The following BABAM2 variants were observed in gnomAD, a reference collection of about 807,000 sequenced individuals.
BABAM2 encodes BRISC and BRCA1-A complex member 2.
Under a neutral mutation model 54.7 loss-of-function variants are expected in BABAM2, and 31 were observed. That is an observed-to-expected ratio of 0.57 (90% CI 0.43 to 0.77). The LOEUF (loss-of-function observed/expected upper bound fraction) is 0.77. Among genes scored for constraint, BABAM2 ranks in the 30% least tolerant of loss-of-function variants. The pLI, the probability that BABAM2 is intolerant of heterozygous loss-of-function variation, is 0.00. For synonymous variants in BABAM2, 167 were observed against 162.9 expected, an observed-to-expected ratio of 1.03 and a Z score of -0.19; for missense variants, 364 against 455.8, an observed-to-expected ratio of 0.80 and a Z score of 1.83.
At chr2:28,250,883 G>A (rs1177357642) in intron 10 of BABAM2, among the ~76,000 whole-genome samples, 2 of 152,322 alleles carry the variant, frequency 1.3e-5, no homozygotes, top group African/African-American at 4.8e-5. Context: ...ACAGGCGTGA[G>A]CCACCACGCC....
At chr2:28,256,853 C>A (rs1329253028) in intron 10 of BABAM2, among the ~76,000 whole-genome samples, 1 of 152,068 alleles carries the variant, frequency 6.6e-6, no homozygotes, top group Non-Finnish European at 1.5e-5. Context: ...CAGCAACACA[C>A]CTGGCTAATT....
intron 8 of BABAM2, among the ~76,000 whole-genome samples, chr2:28,240,943 G>A (rs1682366905): frequency 6.6e-6 from 1 of 151,662 alleles, no homozygotes; most frequent in Admixed American, 6.6e-5. Flanking sequence ...TAAACATTTT[G>A]GGGACAATTA....
At chr2:27,970,362 A>G (rs1671118516) in intron 3 of BABAM2, among the ~76,000 whole-genome samples, 1 of 152,170 alleles carries the variant, frequency 6.6e-6, no homozygotes, top group Admixed American at 6.5e-5. Flanking sequence ...AAAAATTGGA[A>G]CAAATTGTAC....
intron 6 of BABAM2, among the ~76,000 whole-genome samples, chr2:28,125,912 C>T (rs1339229538): frequency 6.6e-6 from 1 of 152,112 alleles, no homozygotes; most frequent in Admixed American, 6.6e-5. Context: ...GATATGATTC[C>T]TTTAGGGAAA....
chr2:27,928,228 A>T (rs1417431933), intron 2 of BABAM2, among the ~76,000 whole-genome samples: 1 of 151,926 alleles, frequency 6.6e-6, no homozygotes, highest in East Asian at 1.9e-4. Context: ...GTTGGCCAGG[A>T]TGGTCTCCAT....
At chr2:28,133,780 C>A (rs1431261190) in intron 7 of BABAM2, among the ~76,000 whole-genome samples, 1 of 152,014 alleles carries the variant, frequency 6.6e-6, no homozygotes, top group Non-Finnish European at 1.5e-5. Context: ...TTTGTTGTAC[C>A]CTAAAAAGAC....
intron 2 of BABAM2, among the ~76,000 whole-genome samples, chr2:27,920,344 A>G (rs564483898): frequency 1.3e-5 from 2 of 152,304 alleles, no homozygotes; most frequent in African/African-American, 2.4e-5. Flanking sequence ...TAAAATGCTC[A>G]TGTTTTAGAT....
intron 11 of BABAM2, among the ~76,000 whole-genome samples, chr2:28,337,050 G>A (rs931261954): frequency 6.6e-6 from 1 of 152,164 alleles, no homozygotes; most frequent in Non-Finnish European, 1.5e-5. Context: ...TGGGTGAGGC[G>A]ATGAGACCTT....
At chr2:27,893,631 AC>A (rs1665037709) in intron 1 of BABAM2, among the ~76,000 whole-genome samples, 1 of 152,110 alleles carries the variant, frequency 6.6e-6, no homozygotes, top group South Asian at 2.1e-4. Flanking sequence ...CAAAACATAG[AC>A]CCTGCAGGGA....
At chr2:27,945,683 A>G (rs576113932) in intron 3 of BABAM2, among the ~76,000 whole-genome samples, 1 of 152,276 alleles carries the variant, frequency 6.6e-6, no homozygotes, top group African/African-American at 2.4e-5. Flanking sequence ...TATTTAGGTC[A>G]CTTTTAATTG....
At position 27,925,796 on chromosome 2, in the gene BABAM2, G is replaced by A. The variant is rs78730290; in HGVS notation, c.129-4036G>A. Among the ~76,000 whole-genome samples the A allele has an allele frequency of 2.9e-4, 44 of 152,258 alleles. No homozygotes were observed. In the East Asian group the frequency reaches 8.5e-3, roughly 29 times the overall value. On this transcript the variant is annotated intron_variant, in intron 2 of 11. Transcript: ENST00000379624. ...GTGACCCTGTTCGTTCCTTTCCAGC[G>A]CCATTCTTGCTCTCATGCGCCTGAG...
intron 6 of BABAM2, among the ~76,000 whole-genome samples, chr2:28,053,967 G>A (rs970168644): frequency 6.6e-6 from 1 of 152,044 alleles, no homozygotes; most frequent in African/African-American, 2.4e-5. Context: ...ACATCACTAT[G>A]TTTTTCATGA....
chr2:27,979,172 C>G, intron 3 of BABAM2, among the ~76,000 whole-genome samples: 1 of 151,962 alleles, frequency 6.6e-6, no homozygotes, highest in East Asian at 1.9e-4. Flanking sequence ...AGACTACAGG[C>G]ATGCGCCACC....
rs373564679 is a variant in BABAM2, at chr2:27,960,368, G to A, written c.206-27625G>A. Among the ~76,000 whole-genome samples, 3 of 152,216 alleles carry A rather than the reference G, an allele frequency of 2.0e-5. No individual in the cohort carries two copies. In the East Asian group the frequency reaches 5.8e-4, roughly 29 times the overall value. On this transcript the variant is annotated intron_variant, in intron 3 of 11. Coordinates refer to ENST00000379624, the MANE Select transcript of BABAM2 (RefSeq NM_199191.3). Reference sequence around the variant, plus strand: ...GTGTGCAAGTTTGATTCTGCTGCTAGTGCTCTGGTTTGTGCCTGTGTGTGC... The same window carrying A: ...GTGTGCAAGTTTGATTCTGCTGCTAATGCTCTGGTTTGTGCCTGTGTGTGC...
At chr2:28,046,390 G>A (rs1216743114) in intron 6 of BABAM2, among the ~76,000 whole-genome samples, 4 of 152,134 alleles carry the variant, frequency 2.6e-5, no homozygotes, top group African/African-American at 9.7e-5. Context: ...AACCTGGGTG[G>A]CAGAGGTTGC....
At chr2:27,909,908 G>A (rs1666456516) in intron 2 of BABAM2, among the ~76,000 whole-genome samples, 1 of 152,126 alleles carries the variant, frequency 6.6e-6, no homozygotes, top group African/African-American at 2.4e-5. Flanking sequence ...TATAACAATA[G>A]CTGTTATCAT....
intron 7 of BABAM2, among the ~76,000 whole-genome samples, chr2:28,209,187 G>A (rs1339256686): frequency 6.6e-6 from 1 of 152,278 alleles, no homozygotes; most frequent in Non-Finnish European, 1.5e-5. Context: ...CTAAAGGTGG[G>A]CAAGCTAGGA....
chr2:28,024,189 G>A (rs940148705), intron 4 of BABAM2, among the ~76,000 whole-genome samples: 2 of 152,134 alleles, frequency 1.3e-5, no homozygotes, highest in African/African-American at 4.8e-5. Flanking sequence ...CGGATCATGA[G>A]GTCAGGAGAT....
intron 2 of BABAM2, among the ~76,000 whole-genome samples, chr2:27,909,775 T>C (rs937233700): frequency 1.4e-4 from 21 of 152,204 alleles, no homozygotes; most frequent in Admixed American, 8.5e-4. Context: ...AGTAGAAGCC[T>C]TTTGACTGAG....
Sources: allele counts gnomAD v4.1 joint callset (sites outside exome capture counted in the v4.1 genomes callset), GRCh38; gene constraint gnomAD v4.1.1; transcripts MANE v1.5; gene names NCBI Gene and HGNC (gene_info 2026-07-23, HGNC 2026-07-21).